CEMIP2: variants seen among roughly 807,000 people sequenced by gnomAD.
CEMIP2 encodes the protein cell surface hyaluronidase CEMIP2.
Under a neutral mutation model 146.9 loss-of-function variants are expected in CEMIP2, and 79 were observed. The observed-to-expected ratio is 0.54, with a 90% CI of 0.45 to 0.65. The LOEUF (loss-of-function observed/expected upper bound fraction) is 0.65, where lower values mean the gene tolerates loss of function less well. Among genes scored for constraint, CEMIP2 ranks in the 30% least tolerant of loss-of-function variants. The probability of loss-of-function intolerance (pLI) is 0.00; values close to 1 mark genes in which losing one functional copy is unlikely to be tolerated. For synonymous variants in CEMIP2, 601 were observed against 606.3 expected, an observed-to-expected ratio of 0.99 and a Z score of 0.13; for missense variants, 1,596 against 1,696.2, an observed-to-expected ratio of 0.94 and a Z score of 1.04.
chr9:71,704,494 T>C (rs1396226936), intron 18 of CEMIP2, 101 bp downstream of exon 18: 149 of 1,253,056 alleles, frequency 1.2e-4, no homozygotes, highest in East Asian at 3.4e-4. Context: ...GTATGTAAAA[T>C]TGGCTTTCTT....
intron 4 of CEMIP2, among the ~76,000 whole-genome samples, chr9:71,743,540 A>C (rs773670123): frequency 6.6e-6 from 1 of 152,302 alleles, no homozygotes; most frequent in South Asian, 2.1e-4. Flanking sequence ...AACTTCTTTC[A>C]AGTCTCTTGC....
chr9:71,751,135 G>A (rs749360111), intron 1 of CEMIP2, among the ~76,000 whole-genome samples: 21 of 152,078 alleles, frequency 1.4e-4, no homozygotes, highest in East Asian at 5.8e-4. Context: ...TATGTTAAGC[G>A]TACAATTCAA....
intron 12 of CEMIP2, among the ~76,000 whole-genome samples, chr9:71,719,973 G>C (rs1823186524): frequency 6.6e-6 from 1 of 151,972 alleles, no homozygotes; most frequent in African/African-American, 2.4e-5. Context: ...CATGTACAGG[G>C]AGAAAAAAAG....
intron 1 of CEMIP2, among the ~76,000 whole-genome samples, chr9:71,761,003 T>A (rs556951160): frequency 1.3e-5 from 2 of 152,246 alleles, no homozygotes; most frequent in Non-Finnish European, 2.9e-5. Flanking sequence ...ACCATCCCCC[T>A]TCGCCCTTGT....
intron 1 of CEMIP2, among the ~76,000 whole-genome samples, chr9:71,759,116 G>C (rs72739809): frequency 0.062 from 9,457 of 152,178 alleles, 447 homozygotes; most frequent in South Asian, 0.18. Flanking sequence ...ATAAACCTCT[G>C]CCTATGAAGG....
chr9:71,751,852 A>G (rs990082308), intron 1 of CEMIP2, among the ~76,000 whole-genome samples: 2 of 152,210 alleles, frequency 1.3e-5, no homozygotes, highest in African/African-American at 4.8e-5. Context: ...CAATTTAAGT[A>G]TTACTATCTG....
intron 2 of CEMIP2, among the ~76,000 whole-genome samples, chr9:71,748,256 G>A (rs1448778562): frequency 2.0e-5 from 3 of 152,122 alleles, no homozygotes. Context: ...CCAGTAAAAT[G>A]CACTTAATGA....
chr9:71,750,275 G>C lies in CEMIP2; in HGVS notation c.99C>G (p.Val33=), dbSNP rs368078161. The change falls in exon 2 of 24, where the codon GTC becomes GTG. Residue 33 remains valine, a synonymous_variant. Coordinates refer to ENST00000377044, the MANE Select transcript of CEMIP2 (RefSeq NM_013390.3). ...TTGGAGGAGGAGGGGGACGCAATGG[G>C]ACAACCTTCCCTGGAACATAGCCAG... ...HPSGYVPGKV[V]PLRPPPPPKS... 5.7e-5 allele frequency: 92 copies of C among 1,613,886 alleles called. No individual in the cohort carries two copies. The highest frequency in any genetic ancestry group is 5.0e-4 in the Middle Eastern group (3 of 6,060).
At chr9:71,698,419 T>TGC (rs1318273282) in intron 19 of CEMIP2, among the ~76,000 whole-genome samples, 1 of 152,246 alleles carries the variant, frequency 6.6e-6, no homozygotes, top group African/African-American at 2.4e-5. Context: ...TGTCATACCC[T>TGC]GCTTCCATTG....
At position 71,750,106 on chromosome 9, in the gene CEMIP2, T is replaced by C. The variant is rs751220432; in HGVS notation, c.268A>G (p.Ser90Gly). ...GCAAGTGCAATAAAAAATGAGAAAC[T>C]AGTAATAGCAAAACAAATGAAAGTA... is the stretch of plus-strand genomic sequence containing the variant. ...KNTFICFAITSFSFFIALAII... is the reference protein window; with the variant it reads ...KNTFICFAITGFSFFIALAII... Residue 90 changes from serine (S) to glycine (G), a missense_variant, in exon 2 of 24, where the codon AGT (serine) becomes GGT (glycine). Physicochemically the swap from Ser to Gly is moderately conservative, Grantham distance 56 (BLOSUM62 0). Coordinates refer to ENST00000377044, the MANE Select transcript of CEMIP2 (RefSeq NM_013390.3). 1.9e-6 allele frequency: 3 copies of C among 1,613,448 alleles called. No homozygotes were observed. The highest frequency in any genetic ancestry group is 2.5e-6 in the Non-Finnish European group (3 of 1,179,844).
At chr9:71,709,507 G>A (rs761722886) in intron 16 of CEMIP2, 33 bp from the exon 17 acceptor site, 3 of 1,583,154 alleles carry the variant, frequency 1.9e-6, no homozygotes, top group Non-Finnish European at 2.6e-6. Flanking sequence ...ACATCACAAA[G>A]TGAGGGCTCC....
chr9:71,691,300 A>G (rs757892327), intron 21 of CEMIP2, among the ~76,000 whole-genome samples: 16 of 143,350 alleles, frequency 1.1e-4, no homozygotes, highest in Non-Finnish European at 2.1e-4. Context: ...CATGCCTGTG[A>G]TCCCAGCTAC....
chr9:71,756,231 T>C (rs1479997582), intron 1 of CEMIP2, among the ~76,000 whole-genome samples: 1 of 107,162 alleles, frequency 9.3e-6, no homozygotes, highest in Non-Finnish European at 2.1e-5. Flanking sequence ...TATATATGTA[T>C]ATAGGTGTAT....
At chr9:71,728,221 CTCTCTCTCTCTATA>C (rs1248490031) in intron 10 of CEMIP2, among the ~76,000 whole-genome samples, 3 of 27,310 alleles carry the variant, frequency 1.1e-4, no homozygotes, top group East Asian at 1.1e-3. Context: ...CTCTCTCTCT[CTCTCTCTCTCTATA>C]TATATATATA....
intron 14 of CEMIP2, 30 bp downstream of exon 14, chr9:71,716,487 A>G: frequency 6.5e-7 from 1 of 1,536,356 alleles, no homozygotes. Flanking sequence ...AAGCTTTAAA[A>G]TAAGTAAGTA....
chr9:71,746,998 TC>T (rs1824110214), intron 2 of CEMIP2, among the ~76,000 whole-genome samples: 1 of 152,232 alleles, frequency 6.6e-6, no homozygotes, highest in Admixed American at 6.5e-5. Flanking sequence ...TACGCAAGTT[TC>T]CCCTTTTAGA....
intron 19 of CEMIP2, among the ~76,000 whole-genome samples, chr9:71,699,608 C>A (rs931686544): frequency 2.6e-5 from 4 of 152,126 alleles, no homozygotes; most frequent in African/African-American, 9.7e-5. Flanking sequence ...AGGCACTTAA[C>A]AACTGAGCCC....
chr9:71,721,655 C>T (rs1220216346), intron 12 of CEMIP2, among the ~76,000 whole-genome samples: 1 of 152,200 alleles, frequency 6.6e-6, no homozygotes, highest in Non-Finnish European at 1.5e-5. Context: ...GCCTGGTATT[C>T]TTTTCCTAAG....
At chr9:71,702,731 G>A (rs1303877508) in intron 18 of CEMIP2, among the ~76,000 whole-genome samples, 1 of 151,954 alleles carries the variant, frequency 6.6e-6, no homozygotes, top group Admixed American at 6.6e-5. Context: ...TCTTCCTTTT[G>A]CCTCTGACCA....
Sources: gnomAD v4.1 joint callset for allele counts (sites outside exome capture counted in the v4.1 genomes callset) on GRCh38, gnomAD v4.1.1 for gene constraint, MANE v1.5 for transcripts, NCBI Gene and HGNC (gene_info 2026-07-23, HGNC 2026-07-21) for gene names.